Variants in RNF6 observed in about 807,000 individuals in gnomAD.
The protein encoded by RNF6 is E3 ubiquitin-protein ligase RNF6.
A neutral mutation model predicts 50.1 loss-of-function variants in RNF6; 21 were observed. The ratio of observed to expected loss-of-function variants is 0.42; its 90% CI spans 0.30 to 0.60. The LOEUF is 0.60. Ranked by LOEUF, RNF6 falls within the 20% of genes least tolerant of loss-of-function variation. The probability of loss-of-function intolerance (pLI) is 0.20; values close to 1 mark genes in which losing one functional copy is unlikely to be tolerated. For missense variants in RNF6, 698 were observed against 838.2 expected (o/e 0.83, Z 2.07); for synonymous variants, 255 against 291.8 (o/e 0.87, Z 1.29).
chr13:26,215,135 G>A lies in RNF6; in HGVS notation c.747C>T (p.Asn249=), dbSNP rs368442692. The part of the protein sequence containing the change: ...IGGAAGIPRA[N]ASRTNFSSHT... Reference sequence around the variant, plus strand: ...GACTACTGAAATTAGTGCGTGAAGCGTTAGCTCGAGGAATGCCAGCTGCTC... The same window carrying A: ...GACTACTGAAATTAGTGCGTGAAGCATTAGCTCGAGGAATGCCAGCTGCTC... Residue 249 remains asparagine, a synonymous_variant, in exon 5 of 5, where the codon AAC becomes AAT. Transcript: ENST00000381588. The A allele has an allele frequency of 4.3e-5, 69 of 1,614,166 alleles. No homozygotes were observed. The highest frequency in any genetic ancestry group is 4.7e-5 in the Non-Finnish European group (56 of 1,180,038).
Position 26,215,207 on chromosome 13 carries a change from A to G in RNF6, c.675T>C (p.Ala225=), listed in dbSNP as rs377005312. The part of the protein sequence containing the change: ...TRLASRGQNP[A]EGSFSTLGRL... ...TTCCCAATGTTGAGAAAGATCCTTC[A>G]GCTGGATTTTGCCCCCTTGAAGCAA... The change falls in exon 5 of 5, where the codon GCT becomes GCC. Residue 225 remains alanine (A), a synonymous_variant. Transcript: ENST00000381588. 600 of 1,614,196 alleles carry G rather than the reference A, an allele frequency of 3.7e-4. 2 individuals carry two copies. Among genetic ancestry groups the G allele is most frequent in the Non-Finnish European group, 3.1e-5 (37 of 1,180,030 alleles).
Position 26,214,100 on chromosome 13 carries a change from T to C in RNF6, c.1782A>G (p.Leu594=). The change falls in exon 5 of 5, where the codon CTA becomes CTG. Residue 594 remains leucine, a synonymous_variant. Coordinates refer to ENST00000381588, the MANE Select transcript of RNF6 (RefSeq NM_005977.4). ...PILRLAHFFL[L]NESDDDDRIR... is the part of the protein sequence containing the mutation. Reference sequence around the variant, plus strand: ...TTCGATCATCATCATCACTTTCATTTAGTAAAAAAAAGTGAGCAAGGCGAA... The same window carrying C: ...TTCGATCATCATCATCACTTTCATTCAGTAAAAAAAAGTGAGCAAGGCGAA... 6.2e-7 allele frequency: 1 copy of C among 1,614,172 alleles called. No homozygotes were observed. The highest frequency in any genetic ancestry group is 1.3e-5 in the African/African-American group (1 of 75,040).
rs540002423 is a variant in RNF6 at position 26,139,558 on chromosome 13, C to T, written n.769-7107G>A. The stretch of plus-strand genomic sequence containing the variant: ...CGGATACAAATAGGACAATACTTTA[C>T]AGTCAGCTTGTCAATATCCACCAAA... On this transcript the variant is annotated intron_variant and non_coding_transcript_variant, in intron 5 of 5. Coordinates refer to the RNF6 transcript ENST00000468480. Among the ~76,000 whole-genome samples, 146 of 152,308 alleles carry T rather than the reference C, an allele frequency of 9.6e-4. 4 individuals carry two copies. The South Asian group carries it at 0.028, about 29-fold the overall frequency.
At position 26,214,184 on chromosome 13, in the gene RNF6, C is replaced by T. The variant is rs550845341; in HGVS notation, c.1698G>A (p.Arg566=). 4 of 1,614,212 alleles carry T rather than the reference C, an allele frequency of 2.5e-6. No homozygotes were observed. Among genetic ancestry groups the T allele is most frequent in the Non-Finnish European group, 2.5e-6 (3 of 1,180,046 alleles). The change falls in exon 5 of 5, where the codon AGG becomes AGA. Residue 566 remains arginine, a synonymous_variant. Coordinates refer to ENST00000381588, the MANE Select transcript of RNF6 (RefSeq NM_005977.4). ...TTGGATTTCGCAACTGCCTGCCACCCCTACTGTCACTGTTTCGAGTATGAG... is the reference window on the plus strand; with the variant it reads ...TTGGATTTCGCAACTGCCTGCCACCTCTACTGTCACTGTTTCGAGTATGAG... ...TQPHTRNSDS[R]GGRQLRNPNN... is the part of the protein sequence containing the mutation.
rs1194597593 is a variant in RNF6, at chr13:26,215,338, T to C, written c.544A>G (p.Thr182Ala). The C allele has an allele frequency of 1.2e-6, 2 of 1,614,244 alleles. No homozygotes were observed. The highest frequency in any genetic ancestry group is 1.7e-6 in the Non-Finnish European group (2 of 1,180,046). Reference sequence around the variant, plus strand: ...GTTGACCTTTGTTGCCTATTTGCAGTATGATCTCTGTTACTATCTGAAAGT... The same window carrying C: ...GTTGACCTTTGTTGCCTATTTGCAGCATGATCTCTGTTACTATCTGAAAGT... Reference protein sequence around the residue: ...IPLSDSNRDHTANRQQRSTSP... With the variant: ...IPLSDSNRDHAANRQQRSTSP... Residue 182 changes from threonine to alanine, a missense_variant, in exon 5 of 5, where the codon ACT becomes GCT. Transcript: ENST00000381588.
chr13:26,153,905 C>T (rs1349766393), intron 5 of RNF6, among the ~76,000 whole-genome samples: 1 of 152,160 alleles, frequency 6.6e-6, no homozygotes, highest in Non-Finnish European at 1.5e-5. Flanking sequence ...TTCAGTGTCT[C>T]ACTGAATGAC....
At chr13:26,206,916 TAAAA>T in intron 5 of RNF6, among the ~76,000 whole-genome samples, 1 of 148,624 alleles carries the variant, frequency 6.7e-6, no homozygotes, top group East Asian at 2.0e-4. Flanking sequence ...CCTTCCTCCT[TAAAA>T]AAAAAAAATT....
At chr13:26,142,821 T>A (rs893191209) in intron 5 of RNF6, among the ~76,000 whole-genome samples, 1 of 152,112 alleles carries the variant, frequency 6.6e-6, no homozygotes, top group Non-Finnish European at 1.5e-5. Context: ...AGCCTCAGCA[T>A]CATGCAATAT....
At chr13:26,169,099 A>G (rs543062465) in intron 5 of RNF6, among the ~76,000 whole-genome samples, 2 of 152,142 alleles carry the variant, frequency 1.3e-5, no homozygotes, top group Non-Finnish European at 2.9e-5. Context: ...TCCCAGCCAC[A>G]AGCTCCTCTC....
At chr13:26,138,341 A>G (rs1278051719) in intron 5 of RNF6, among the ~76,000 whole-genome samples, 1 of 152,192 alleles carries the variant, frequency 6.6e-6, no homozygotes, top group Non-Finnish European at 1.5e-5. Flanking sequence ...CTTGCCCTAC[A>G]ATAAATACTA....
chr13:26,150,669 A>G (rs1466398223), intron 5 of RNF6: 1 of 152,006 alleles, frequency 6.6e-6, no homozygotes, highest in Non-Finnish European at 1.5e-5. Context: ...TCAAAACTTG[A>G]ATTCACTCTT....
chr13:26,218,541 G>C lies in RNF6; in HGVS notation c.259C>G (p.Pro87Ala). 6.2e-7 allele frequency: 1 copy of C among 1,613,780 alleles called. No individual in the cohort carries two copies. The highest frequency in any genetic ancestry group is 1.1e-5 in the South Asian group (1 of 91,074). Residue 87 changes from proline to alanine, a missense_variant, in exon 4 of 5, where the codon CCT (proline) becomes GCT (alanine). Physicochemically the swap from Pro to Ala is conservative, Grantham distance 27. Coordinates refer to ENST00000381588, the MANE Select transcript of RNF6 (RefSeq NM_005977.4). ...TAATTCGTTCCATCTCTCAAGTCAG[G>C]CTGAGATGCTAGTTGTTCCTTGACG... is the stretch of plus-strand genomic sequence containing the variant. Reference protein sequence around the residue: ...DGVKEQLASQPDLRDGTNYRD... With the variant: ...DGVKEQLASQADLRDGTNYRD...
At chr13:26,188,891 G>A (rs1430035736) in intron 5 of RNF6, among the ~76,000 whole-genome samples, 1 of 151,972 alleles carries the variant, frequency 6.6e-6, no homozygotes, top group African/African-American at 2.4e-5. Context: ...GCCTCCCAAA[G>A]TGATGGGATT....
At chr13:26,203,162 C>G (rs9581588) in intron 5 of RNF6, among the ~76,000 whole-genome samples, 31,154 of 152,120 alleles carry the variant, frequency 0.2, 3,721 homozygotes, top group East Asian at 0.4. Context: ...AATTACCTCT[C>G]GAGAGCATCC....
intron 5 of RNF6, among the ~76,000 whole-genome samples, chr13:26,137,305 CT>C (rs201680309): frequency 1.4e-3 from 208 of 150,510 alleles, no homozygotes; most frequent in African/African-American, 4.3e-3. Context: ...AACTAAAGAG[CT>C]TTTTTTTTAA....
At chr13:26,182,344 C>T (rs951820671) in intron 5 of RNF6, among the ~76,000 whole-genome samples, 9 of 106,716 alleles carry the variant, frequency 8.4e-5, no homozygotes, top group Non-Finnish European at 1.8e-4. Flanking sequence ...TCTTTGCTTC[C>T]TCAAATTAAA....
chr13:26,198,154 A>G (rs989909052), intron 5 of RNF6, among the ~76,000 whole-genome samples: 1 of 151,508 alleles, frequency 6.6e-6, no homozygotes, highest in Admixed American at 6.6e-5. Flanking sequence ...ACACACACAT[A>G]TATATATGAG....
rs35981749 is a variant in RNF6 at position 26,189,327 on chromosome 13, C to CAA, written n.768+26145_768+26146dup. On this transcript the variant is annotated intron_variant and non_coding_transcript_variant, in intron 5 of 5. Transcript: ENST00000468480. ...TGGGCGACAGAGCCAGACTCCATCT[C>CAA]AAAAAAAACGCTTCCTATTGTAATA... 6.6e-5 allele frequency among the ~76,000 whole-genome samples: 10 copies of CAA among 150,720 alleles called. 1 individual carries two copies. Among genetic ancestry groups the CAA allele is most frequent in the East Asian group, 5.9e-4 (3 of 5,050 alleles).
At chr13:26,150,309 T>C (rs474808) in intron 5 of RNF6, among the ~76,000 whole-genome samples, 3,516 of 152,198 alleles carry the variant, frequency 0.023, 116 homozygotes, top group African/African-American at 0.075. Flanking sequence ...GTCATGTCTT[T>C]ACAGGATGGG....
Sources: allele counts gnomAD v4.1 joint callset (sites outside exome capture counted in the v4.1 genomes callset), GRCh38; gene constraint gnomAD v4.1.1; transcripts MANE v1.5; gene names NCBI Gene and HGNC (gene_info 2026-07-23, HGNC 2026-07-21).